The following AK9 variants were observed in gnomAD, a reference collection of about 807,000 sequenced individuals.
The protein encoded by AK9 is adenylate kinase domain containing 1.
A neutral mutation model predicts 239.6 loss-of-function variants in AK9; 191 were observed. The observed-to-expected ratio is 0.80, with a 90% CI of 0.71 to 0.90. The LOEUF is 0.90. AK9 is among the 40% of genes least tolerant of loss of function. The probability of loss-of-function intolerance (pLI) is 0.00; values close to 1 mark genes in which losing one functional copy is unlikely to be tolerated. For synonymous variants in AK9, 689 were observed against 721.0 expected (o/e 0.96, Z 0.71); for missense variants, 1,995 against 2,214.7 (o/e 0.90, Z 1.99).
At chr6:109,614,562 AAAGTT>A in intron 13 of AK9, 82 bp from the exon 14 acceptor site, 1 of 1,095,520 alleles carries the variant, frequency 9.1e-7, no homozygotes, top group East Asian at 2.6e-5. Context: ...CCCCTGCTTC[AAAGTT>A]AGACACAGTT....
chr6:109,643,086 A>C (rs572066902), intron 9 of AK9, among the ~76,000 whole-genome samples: 1 of 152,284 alleles, frequency 6.6e-6, no homozygotes, highest in South Asian at 2.1e-4. Flanking sequence ...GTGTAATGGA[A>C]CTACTGTGGT....
intron 1 of AK9, among the ~76,000 whole-genome samples, chr6:109,684,991 C>G (rs187995974): frequency 7.5e-5 from 11 of 145,856 alleles, no homozygotes; most frequent in African/African-American, 2.8e-4. Flanking sequence ...AAATGCTCAT[C>G]ATCACTGGTC....
At position 109,493,973 on chromosome 6, in the gene AK9, A is replaced by G; in HGVS notation, c.5533+8T>C. On this transcript the variant is annotated splice_region_variant and intron_variant, in intron 40 of 40. Coordinates refer to ENST00000424296, the MANE Select transcript of AK9 (RefSeq NM_001145128.3). The stretch of plus-strand genomic sequence containing the variant: ...GTTCTGAGTAGTAAATAATTAAAAA[A>G]GACATACCTTTGAGATGAAGTGCTA... The G allele has an allele frequency of 8.9e-6, 14 of 1,570,876 alleles. No individual in the cohort carries two copies. Among genetic ancestry groups the G allele is most frequent in the Non-Finnish European group, 1.2e-5 (14 of 1,146,590 alleles).
intron 35 of AK9, among the ~76,000 whole-genome samples, chr6:109,504,125 G>A (rs554043732): frequency 6.2e-4 from 94 of 152,354 alleles, no homozygotes; most frequent in Non-Finnish European, 1.1e-3. Flanking sequence ...AGGCTGATGT[G>A]AGAGGATCGC....
At position 109,514,260 on chromosome 6, in the gene AK9, T is replaced by C; in HGVS notation, c.4243A>G (p.Ile1415Val). ...CCAGATTTTGGAGGCCCCACAATTA[T>C]AATCCTAATGGGCACAGTAGGCTTA... ...KPKPTVPIRI[I>V]IVGPPKSGKT... Residue 1415 changes from isoleucine to valine, a missense_variant, in exon 32 of 41, where the codon ATA becomes GTA. Transcript: ENST00000424296. The C allele has an allele frequency of 6.4e-7, 1 of 1,551,790 alleles. No homozygotes were observed.
Position 109,675,629 on chromosome 6 carries a change from T to C in AK9, c.117A>G (p.Pro39=). The C allele has an allele frequency of 1.3e-6, 2 of 1,491,474 alleles. No homozygotes were observed. The highest frequency in any genetic ancestry group is 1.4e-5 in the South Asian group (1 of 73,480). 92.4% of individuals were successfully genotyped at this position (1,491,474 alleles called of 1,614,324 possible). Residue 39 remains proline, a splice_region_variant and synonymous_variant, in exon 2 of 41, where the codon CCA becomes CCG. Transcript: ENST00000424296. ...TACCAAATAATAAGAGATAACTTAC[T>C]GGTTTCCCAAATACAACAAAGCAAA... ...KPVCFVVFGK[P]GVGKTTLARY...
chr6:109,505,265 T>A (rs1441515566), intron 35 of AK9, among the ~76,000 whole-genome samples: 1 of 152,228 alleles, frequency 6.6e-6, no homozygotes, highest in Non-Finnish European at 1.5e-5. Context: ...ATTGCTCCCA[T>A]AAACCTCATC....
At chr6:109,571,326 T>C (rs1479038549) in intron 21 of AK9, among the ~76,000 whole-genome samples, 1 of 152,210 alleles carries the variant, frequency 6.6e-6, no homozygotes, top group East Asian at 1.9e-4. Flanking sequence ...GGAGAAGTTA[T>C]GCCTCTTTCC....
At chr6:109,674,495 T>G (rs1162571473) in intron 2 of AK9, among the ~76,000 whole-genome samples, 1 of 152,190 alleles carries the variant, frequency 6.6e-6, no homozygotes, top group African/African-American at 2.4e-5. Flanking sequence ...ATTAAGTACA[T>G]AGCCCTAAAA....
At chr6:109,506,281 C>T in intron 35 of AK9, 46 bp downstream of exon 35, 1 of 1,561,336 alleles carries the variant, frequency 6.4e-7, no homozygotes, top group Non-Finnish European at 8.8e-7. Flanking sequence ...GGCATGTTTA[C>T]ACTTGAAATT....
At chr6:109,684,600 C>T (rs1330551853) in intron 1 of AK9, among the ~76,000 whole-genome samples, 4 of 151,696 alleles carry the variant, frequency 2.6e-5, no homozygotes, top group East Asian at 2.0e-4. Context: ...GGAGGCCGGG[C>T]GCGGTGGCTC....
chr6:109,663,435 T>G (rs1800720916), intron 5 of AK9, among the ~76,000 whole-genome samples: 1 of 152,162 alleles, frequency 6.6e-6, no homozygotes, highest in Non-Finnish European at 1.5e-5. Context: ...AGAAATCTTA[T>G]GAAAAGTGAA....
chr6:109,562,956 G>A (rs985107900), intron 24 of AK9, among the ~76,000 whole-genome samples: 3 of 152,096 alleles, frequency 2.0e-5, no homozygotes, highest in Admixed American at 1.3e-4. Flanking sequence ...GCATCCTTTA[G>A]CCATCCCAAA....
intron 6 of AK9, among the ~76,000 whole-genome samples, chr6:109,659,990 A>G (rs1800215119): frequency 6.6e-6 from 1 of 152,208 alleles, no homozygotes; most frequent in South Asian, 2.1e-4. Flanking sequence ...GTCTACAAGT[A>G]AGTTTCTTGT....
chr6:109,628,061 A>T (rs1247570496), intron 12 of AK9, among the ~76,000 whole-genome samples: 1 of 152,184 alleles, frequency 6.6e-6, no homozygotes, highest in Non-Finnish European at 1.5e-5. Flanking sequence ...GAGTGGTTGT[A>T]GGCTTGGTAA....
intron 17 of AK9, among the ~76,000 whole-genome samples, chr6:109,592,739 C>T (rs1790448824): frequency 6.6e-6 from 1 of 151,470 alleles, no homozygotes; most frequent in African/African-American, 2.4e-5. Context: ...AGCCACCGTG[C>T]CCAGCGGGAT....
intron 3 of AK9, 147 bp from the exon 4 acceptor site, chr6:109,672,314 C>T: frequency 1.4e-6 from 1 of 727,396 alleles, no homozygotes; most frequent in Non-Finnish European, 2.3e-6. Context: ...CATATTACTT[C>T]ACTTAAGCCT....
intron 16 of AK9, 110 bp from the exon 17 acceptor site, chr6:109,610,623 T>C: frequency 8.5e-7 from 1 of 1,178,682 alleles, no homozygotes; most frequent in Non-Finnish European, 1.2e-6. Flanking sequence ...ATTATTTTCA[T>C]GTCACCGCAG....
intron 8 of AK9, among the ~76,000 whole-genome samples, chr6:109,645,248 G>T (rs1797901180): frequency 1.3e-5 from 2 of 152,196 alleles, no homozygotes; most frequent in African/African-American, 2.4e-5. Flanking sequence ...CCGAAGCAGG[G>T]CAGGGCATCA....
Sources: allele counts gnomAD v4.1 joint callset (sites outside exome capture counted in the v4.1 genomes callset), GRCh38; gene constraint gnomAD v4.1.1; transcripts MANE v1.5; gene names NCBI Gene and HGNC (gene_info 2026-07-23, HGNC 2026-07-21).